The following CCDC40 variants were observed in gnomAD, a reference collection of about 807,000 sequenced individuals.
CCDC40 encodes coiled-coil domain 40 molecular ruler complex subunit, also known as coiled-coil domain-containing protein 40.
CCDC40 carries 104 observed loss-of-function variants against 124.5 expected under a neutral mutation model. That is an observed-to-expected ratio of 0.84 (90% CI 0.71 to 0.98). The LOEUF is 0.98. Among genes scored for constraint, CCDC40 ranks in the 50% least tolerant of loss-of-function variants. CCDC40 has a pLI of 0.00. For missense variants in CCDC40, 1,463 were observed against 1,503.9 expected (o/e 0.97, Z 0.45); for synonymous variants, 580 against 602.9 (o/e 0.96, Z 0.56).
intron 9 of CCDC40, among the ~76,000 whole-genome samples, chr17:80,063,897 T>TA (rs2037967489): frequency 6.6e-6 from 1 of 152,206 alleles, no homozygotes; most frequent in Non-Finnish European, 1.5e-5. Context: ...AGGTGACTGA[T>TA]ACGCTAATTA....
chr17:80,037,690 G>GATTATATATATAT (rs1555889146), intron 1 of CCDC40, among the ~76,000 whole-genome samples: 4 of 92,084 alleles, frequency 4.3e-5, no homozygotes, highest in Non-Finnish European at 8.7e-5. Context: ...TTTTAAAAAA[G>GATTATATATATAT]ATATACATAT....
chr17:80,064,312 C>G (rs983729452), intron 9 of CCDC40, among the ~76,000 whole-genome samples: 2 of 152,156 alleles, frequency 1.3e-5, no homozygotes, highest in African/African-American at 4.8e-5. Flanking sequence ...GGCGTGCAGG[C>G]ACTTCTGGGA....
At chr17:80,051,554 G>C (rs1359186220) in intron 7 of CCDC40, among the ~76,000 whole-genome samples, 1 of 139,256 alleles carries the variant, frequency 7.2e-6, no homozygotes, top group African/African-American at 2.6e-5. Flanking sequence ...GCGTGAACCT[G>C]GGAGTCGGAG....
chr17:80,068,022 A>G (rs1397644868), intron 10 of CCDC40: 8 of 1,025,278 alleles, frequency 7.8e-6, no homozygotes, highest in Non-Finnish European at 9.4e-6. Flanking sequence ...GTGAGGCCCA[A>G]CTTTTATTTA....
intron 10 of CCDC40, among the ~76,000 whole-genome samples, chr17:80,080,193 CA>C (rs1345483311): frequency 7.5e-4 from 65 of 86,652 alleles, no homozygotes; most frequent in East Asian, 8.1e-4. Context: ...GAGACTGTCT[CA>C]AAAAAAAAAA....
At chr17:80,096,197 G>C (rs916403172) in intron 18 of CCDC40, among the ~76,000 whole-genome samples, 1 of 152,174 alleles carries the variant, frequency 6.6e-6, no homozygotes, top group Non-Finnish European at 1.5e-5. Flanking sequence ...GGTGGCCTTG[G>C]GGACAGCTGA....
rs369360689 is a variant in CCDC40 at position 80,059,811 on chromosome 17, C to T, written c.1440+831C>T. Among the ~76,000 whole-genome samples the T allele has an allele frequency of 3.9e-3, 596 of 152,242 alleles. 4 individuals carry two copies. The highest frequency in any genetic ancestry group is 0.014 in the African/African-American group (570 of 41,536). ...CTGACCTCAGGTGATCCACCCACCT[C>T]GGCCTCCCAAAGTCCTGGGATTACA... On this transcript the variant is annotated intron_variant, in intron 9 of 19. Coordinates refer to ENST00000397545, the MANE Select transcript of CCDC40 (RefSeq NM_017950.4).
intron 17 of CCDC40, chr17:80,090,751 C>T: frequency 7.2e-7 from 1 of 1,382,878 alleles, no homozygotes; most frequent in Non-Finnish European, 9.4e-7. Context: ...GCTAAAGGTT[C>T]AGGGCCTTAA....
intron 9 of CCDC40, among the ~76,000 whole-genome samples, chr17:80,060,051 T>C (rs2037858699): frequency 6.6e-6 from 1 of 152,166 alleles, no homozygotes; most frequent in Non-Finnish European, 1.5e-5. Flanking sequence ...TCTGGAGTTT[T>C]ATCTGAAAAA....
chr17:80,044,465 C>T (rs1440226838), intron 3 of CCDC40, among the ~76,000 whole-genome samples: 1 of 152,108 alleles, frequency 6.6e-6, no homozygotes, highest in Non-Finnish European at 1.5e-5. Flanking sequence ...AGGCGGATCA[C>T]TTGAGGCCAG....
intron 2 of CCDC40, 95 bp from the exon 3 acceptor site, chr17:80,039,717 G>T: frequency 1.3e-6 from 2 of 1,485,548 alleles, no homozygotes; most frequent in Non-Finnish European, 1.8e-6. Flanking sequence ...TATAAATGCA[G>T]TTTTCCCATT....
chr17:80,089,889 G>A lies in CCDC40; in HGVS notation c.2832+5G>A. On this transcript the variant is annotated splice_donor_5th_base_variant and intron_variant, in intron 17 of 19. Coordinates refer to ENST00000397545, the MANE Select transcript of CCDC40 (RefSeq NM_017950.4). ...GGCGAGATCCACAGGATGAAGGTGAGGGGAGGAGAGCGGCGTGGCAGGGCC... is the reference window on the plus strand; with the variant it reads ...GGCGAGATCCACAGGATGAAGGTGAAGGGAGGAGAGCGGCGTGGCAGGGCC... The A allele has an allele frequency of 6.2e-7, 1 of 1,614,160 alleles. No individual in the cohort carries two copies. Among genetic ancestry groups the A allele is most frequent in the South Asian group, 1.1e-5 (1 of 91,088 alleles).
At chr17:80,085,363 T>C (rs1197120591) in intron 13 of CCDC40, among the ~76,000 whole-genome samples, 1 of 152,258 alleles carries the variant, frequency 6.6e-6, no homozygotes, top group Non-Finnish European at 1.5e-5. Flanking sequence ...ATTCTGCTGC[T>C]CTAAGAAAAG....
Position 80,060,182 on chromosome 17 carries a change from CA to C in CCDC40, c.1440+1203del, listed in dbSNP as rs576252476. On this transcript the variant is annotated intron_variant, in intron 9 of 19. Coordinates refer to ENST00000397545, the MANE Select transcript of CCDC40 (RefSeq NM_017950.4). ...GACAAGGGACTTTCCATGCTAAGCCCAGGGGGTCCTGGACACAGCAGGATGG... is the reference window on the plus strand; with the variant it reads ...GACAAGGGACTTTCCATGCTAAGCCCGGGGGTCCTGGACACAGCAGGATGG... Among the ~76,000 whole-genome samples, 538 of 152,188 alleles carry C rather than the reference CA, an allele frequency of 3.5e-3. 1 individual carries two copies. Among genetic ancestry groups the C allele is most frequent in the African/African-American group, 0.012 (514 of 41,544 alleles).
At chr17:80,061,705 A>G (rs768500520) in intron 9 of CCDC40, among the ~76,000 whole-genome samples, 1 of 152,218 alleles carries the variant, frequency 6.6e-6, no homozygotes, top group African/African-American at 2.4e-5. Context: ...GAGCGAAGTC[A>G]CAAGTAACCA....
At chr17:80,093,169 C>G (rs932875873) in intron 17 of CCDC40, among the ~76,000 whole-genome samples, 3 of 152,162 alleles carry the variant, frequency 2.0e-5, no homozygotes, top group South Asian at 2.1e-4. Context: ...TCTATACTTA[C>G]GAAATTCCTC....
Position 80,058,565 on chromosome 17 carries a change from A to G in CCDC40, c.1231A>G (p.Met411Val), listed in dbSNP as rs765722033. The part of the protein sequence containing the change: ...LFYMQNIDQD[M>V]RDDIRVMTQV... ...CTACATGCAGAACATCGACCAGGAC[A>G]TGCGTGACGACATCCGCGTGATGAC... is the stretch of plus-strand genomic sequence containing the variant. Residue 411 changes from methionine to valine, a missense_variant, in exon 8 of 20, where the codon ATG (methionine) becomes GTG (valine). Coordinates refer to ENST00000397545, the MANE Select transcript of CCDC40 (RefSeq NM_017950.4). This position sits in a 1 kb window ranked among gnomAD's most constrained non-coding sequence, Gnocchi z 4.2. The G allele has an allele frequency of 2.5e-6, 4 of 1,614,176 alleles. No homozygotes were observed. The East Asian group carries it at 8.9e-5, about 36-fold the overall frequency.
chr17:80,039,924 T>G lies in CCDC40; in HGVS notation c.206T>G (p.Val69Gly), dbSNP rs1290069103. 6 of 1,610,036 alleles carry G rather than the reference T, an allele frequency of 3.7e-6. No homozygotes were observed. The African/African-American group carries it at 4.1e-5, about 11-fold the overall frequency. The change falls in exon 3 of 20, where the codon GTG becomes GGG. Residue 69 changes from valine to glycine, a missense_variant. Coordinates refer to ENST00000397545, the MANE Select transcript of CCDC40 (RefSeq NM_017950.4). ...QAEAAIEEGE[V>G]ETEGEAAVEG... ...GAAGCTGCAATTGAAGAGGGGGAGGTGGAGACAGAAGGGGAAGCAGCAGTG... is the reference window on the plus strand; with the variant it reads ...GAAGCTGCAATTGAAGAGGGGGAGGGGGAGACAGAAGGGGAAGCAGCAGTG...
chr17:80,075,603 T>C (rs1189251654), intron 10 of CCDC40, among the ~76,000 whole-genome samples: 1 of 151,860 alleles, frequency 6.6e-6, no homozygotes, highest in Non-Finnish European at 1.5e-5. Flanking sequence ...GCTCAGAGGG[T>C]GGAGGCAGGG....
Sources: gnomAD v4.1 joint callset for allele counts (sites outside exome capture counted in the v4.1 genomes callset) on GRCh38, gnomAD v4.1.1 for gene constraint, Gnocchi (gnomAD v3.1) non-coding constraint, MANE v1.5 for transcripts, NCBI Gene and HGNC (gene_info 2026-07-23, HGNC 2026-07-21) for gene names.